FGF2: variants seen among roughly 807,000 people sequenced by gnomAD.
FGF2 encodes basic fibroblast growth factor bFGF.
A neutral mutation model predicts 15.9 loss-of-function variants in FGF2; 13 were observed. The ratio of observed to expected loss-of-function variants is 0.82; its 90% CI spans 0.53 to 1.30. The LOEUF is 1.30. Ranked by LOEUF, FGF2 falls within the 50% of genes most tolerant of loss-of-function variation. The probability of loss-of-function intolerance (pLI) is 0.00; values close to 1 mark genes in which losing one functional copy is unlikely to be tolerated. For missense variants in FGF2, 163 were observed against 196.9 expected (o/e 0.83, Z 1.03); for synonymous variants, 90 against 78.4 (o/e 1.15, Z -0.78).
At chr4:122,865,511 G>T (rs948645028) in intron 1 of FGF2, among the ~76,000 whole-genome samples, 8 of 151,906 alleles carry the variant, frequency 5.3e-5, no homozygotes, top group African/African-American at 1.9e-4. Flanking sequence ...GGCTGGCCTC[G>T]AACTCCTGAT....
intron 1 of FGF2, among the ~76,000 whole-genome samples, chr4:122,840,873 C>T (rs1000679887): frequency 2.0e-5 from 3 of 152,100 alleles, no homozygotes; most frequent in Non-Finnish European, 4.4e-5. Flanking sequence ...AGGAAAGTTA[C>T]CAGCAGATGT....
intron 1 of FGF2, among the ~76,000 whole-genome samples, chr4:122,854,337 CGA>C (rs1726294660): frequency 6.6e-6 from 1 of 152,134 alleles, no homozygotes; most frequent in Non-Finnish European, 1.5e-5. Context: ...TGGTAGTATT[CGA>C]CCCTGGCAAT....
intron 1 of FGF2, among the ~76,000 whole-genome samples, chr4:122,828,489 A>G (rs375373711): frequency 2.2e-4 from 33 of 152,232 alleles, no homozygotes; most frequent in African/African-American, 7.5e-4. Flanking sequence ...TGATTCTCTC[A>G]TTGCCTGAGA....
In FGF2 at chr4:122,895,898, T is replaced by A. The variant is rs1482124773; in HGVS notation, c.*3502T>A. ...TGTTTTCCTAAATACAGAGTTTAAATAATTTCAGTAATTCTTAGATGATTC... is the reference window on the plus strand; with the variant it reads ...TGTTTTCCTAAATACAGAGTTTAAAAAATTTCAGTAATTCTTAGATGATTC... On this transcript the variant is annotated 3_prime_UTR_variant, in exon 3 of 3. Transcript: ENST00000644866. 6.6e-6 allele frequency: 1 copy of A among 152,350 alleles called. No homozygotes were observed. The highest frequency in any genetic ancestry group is 1.5e-5 in the Non-Finnish European group (1 of 68,040). 9.4% of individuals were successfully genotyped at this position (152,350 alleles called of 1,614,324 possible).
At chr4:122,845,561 C>A (rs1578456528) in intron 1 of FGF2, among the ~76,000 whole-genome samples, 1 of 152,328 alleles carries the variant, frequency 6.6e-6, no homozygotes, top group African/African-American at 2.4e-5. Context: ...TTCTAGATAA[C>A]TTGCGCTAGC....
intron 1 of FGF2, among the ~76,000 whole-genome samples, chr4:122,860,044 C>T (rs1242590581): frequency 6.6e-6 from 1 of 152,146 alleles, no homozygotes; most frequent in Non-Finnish European, 1.5e-5. Flanking sequence ...TGTGGGGTTT[C>T]ATTAAATTTG....
intron 1 of FGF2, among the ~76,000 whole-genome samples, chr4:122,852,325 C>T (rs1238289550): frequency 6.6e-6 from 1 of 152,186 alleles, no homozygotes. Flanking sequence ...ATATCTTTCT[C>T]CAGGTGCTGT....
intron 1 of FGF2, among the ~76,000 whole-genome samples, chr4:122,848,667 C>A (rs1004458363): frequency 7.2e-5 from 11 of 152,214 alleles, no homozygotes; most frequent in African/African-American, 2.7e-4. Context: ...TTACATAGCA[C>A]TGGTGGTAGT....
chr4:122,843,072 C>G (rs1004011566), intron 1 of FGF2, among the ~76,000 whole-genome samples: 1 of 152,022 alleles, frequency 6.6e-6, no homozygotes, highest in Admixed American at 6.5e-5. Context: ...TTGTTTGGCA[C>G]GACAAGAAAG....
Position 122,893,349 on chromosome 4 carries a change from T to G in FGF2, c.*953T>G. 5.6e-6 allele frequency: 5 copies of G among 886,110 alleles called. No homozygotes were observed. The highest frequency in any genetic ancestry group is 8.1e-6 in the Non-Finnish European group (5 of 620,340). The allele number at this position is 886,110 out of a possible 1,614,324, so 54.9% of individuals were successfully genotyped here. On this transcript the variant is annotated 3_prime_UTR_variant, in exon 3 of 3. Transcript: ENST00000644866. ...AAACATTACCCTAACAAAGTAAAGTTTTCAATACAAATTCTTTGCCTTGTG... is the reference window on the plus strand; with the variant it reads ...AAACATTACCCTAACAAAGTAAAGTGTTCAATACAAATTCTTTGCCTTGTG...
At chr4:122,848,842 C>T (rs913800086) in intron 1 of FGF2, among the ~76,000 whole-genome samples, 2 of 152,144 alleles carry the variant, frequency 1.3e-5, no homozygotes, top group Admixed American at 1.3e-4. Flanking sequence ...ATGAGAGGTC[C>T]AAGATGACAC....
intron 2 of FGF2, 148 bp from the exon 3 acceptor site, chr4:122,892,063 A>T (rs1485327091): frequency 1.4e-6 from 1 of 714,384 alleles, no homozygotes; most frequent in Non-Finnish European, 2.4e-6. Context: ...TGGCCCATTG[A>T]ATCTTGTTAG....
At position 122,827,096 on chromosome 4, in the gene FGF2, C is replaced by G; in HGVS notation, c.-79C>G. 1 of 1,207,810 alleles carries G rather than the reference C, an allele frequency of 8.3e-7. No individual in the cohort carries two copies. The highest frequency in any genetic ancestry group is 1.0e-6 in the Non-Finnish European group (1 of 973,754). 74.8% of individuals were successfully genotyped at this position (1,207,810 alleles called of 1,614,324 possible). ...GCCGTGCCCCGGAGCGGGTCGGAGG[C>G]CGGGGCCGGGGCCGGGGGACGGCGG... On this transcript the variant is annotated 5_prime_UTR_variant, in exon 1 of 3. Coordinates refer to ENST00000644866, the MANE Select transcript of FGF2 (RefSeq NM_001361665.2). This position sits in a 1 kb window ranked among gnomAD's most constrained non-coding sequence, Gnocchi z 4.2.
chr4:122,863,369 C>T (rs1403648559), intron 1 of FGF2, among the ~76,000 whole-genome samples: 2 of 152,070 alleles, frequency 1.3e-5, no homozygotes, highest in African/African-American at 4.8e-5. Flanking sequence ...CAATTACTTG[C>T]TAAAGAAATT....
intron 1 of FGF2, among the ~76,000 whole-genome samples, chr4:122,844,491 G>C (rs888272502): frequency 1.3e-5 from 2 of 151,984 alleles, no homozygotes; most frequent in African/African-American, 4.8e-5. Flanking sequence ...ATGGCATCTA[G>C]AATTGTCAGT....
chr4:122,892,630 A>AG lies in FGF2; in HGVS notation c.*234_*235insG. On this transcript the variant is annotated 3_prime_UTR_variant, in exon 3 of 3. Coordinates refer to ENST00000644866, the MANE Select transcript of FGF2 (RefSeq NM_001361665.2). ...CATCTGCTGTTACCCAGTGAAGCTTACCTAGAGCAATGATCTTTTTCACGC... is the reference window on the plus strand; with the variant it reads ...CATCTGCTGTTACCCAGTGAAGCTTAGCCTAGAGCAATGATCTTTTTCACGC... The AG allele has an allele frequency of 7.0e-7, 1 of 1,426,248 alleles. No individual in the cohort carries two copies. Among genetic ancestry groups the AG allele is most frequent in the South Asian group, 1.6e-5 (1 of 63,906 alleles). The allele number at this position is 1,426,248 out of a possible 1,614,324, so 88.3% of individuals were successfully genotyped here. A position where few individuals can be genotyped will look rare whatever the true frequency, so the allele number is the denominator to read the frequency against.
intron 2 of FGF2, chr4:122,890,219 G>C (rs1368431317): frequency 2.0e-5 from 3 of 152,108 alleles, no homozygotes; most frequent in Non-Finnish European, 4.4e-5. Context: ...AAAAGTATTG[G>C]ATTTGGAATA....
At position 122,888,622 on chromosome 4, in the gene FGF2, T is replaced by C. The variant is rs576752359; in HGVS notation, c.283-3589T>C. 2.0e-5 allele frequency: 3 copies of C among 152,342 alleles called. No homozygotes were observed. The East Asian group carries it at 5.8e-4, about 29-fold the overall frequency. The allele number at this position is 152,342 out of a possible 1,614,324, so 9.4% of individuals were successfully genotyped here. On this transcript the variant is annotated intron_variant, in intron 2 of 2. Coordinates refer to ENST00000644866, the MANE Select transcript of FGF2 (RefSeq NM_001361665.2). Reference sequence around the variant, plus strand: ...TGGATATGATCCTGTTGTAAGGCTTTTGCACTGGCTTTTCCTCTGATGGGA... The same window carrying C: ...TGGATATGATCCTGTTGTAAGGCTTCTGCACTGGCTTTTCCTCTGATGGGA...
chr4:122,891,033 T>C (rs566488340), intron 2 of FGF2, among the ~76,000 whole-genome samples: 4 of 118,022 alleles, frequency 3.4e-5, no homozygotes, highest in African/African-American at 1.2e-4. Context: ...TTTTTTTTTT[T>C]TTGTTTTGTT....
Sources: allele counts gnomAD v4.1 joint callset (sites outside exome capture counted in the v4.1 genomes callset), GRCh38; gene constraint gnomAD v4.1.1; non-coding constraint Gnocchi (gnomAD v3.1); transcripts MANE v1.5; gene names NCBI Gene and HGNC (gene_info 2026-07-23, HGNC 2026-07-21).